TRPM3: variants seen among roughly 807,000 people sequenced by gnomAD.
The protein encoded by TRPM3 is transient receptor potential cation channel subfamily M member 3, also known as long transient receptor potential channel 3.
In TRPM3, 77 loss-of-function variants were observed where a neutral mutation model predicts 181.2. The ratio of observed to expected loss-of-function variants is 0.42; its 90% CI spans 0.35 to 0.51. TRPM3 has a LOEUF of 0.51. Among genes scored for constraint, TRPM3 ranks in the 20% least tolerant of loss-of-function variants. The probability of loss-of-function intolerance (pLI) is 0.01; values close to 1 mark genes in which losing one functional copy is unlikely to be tolerated. For synonymous variants in TRPM3, 745 were observed against 796.4 expected (o/e 0.94, Z 1.09); for missense variants, 1,759 against 2,196.7 (o/e 0.80, Z 3.98).
At chr9:70,661,138 TCAAG>T (rs1564747332) in intron 9 of TRPM3, among the ~76,000 whole-genome samples, 259 of 59,270 alleles carry the variant, frequency 4.4e-3, no homozygotes, top group African/African-American at 0.022. Flanking sequence ...CATATGCAAG[TCAAG>T]TCAATAAGTG....
At chr9:71,289,875 CAAAAAAAAAAAAAA>C (rs71352367) in intron 1 of TRPM3, among the ~76,000 whole-genome samples, 3 of 39,774 alleles carry the variant, frequency 7.5e-5, no homozygotes, top group Non-Finnish European at 1.5e-4. Context: ...GACTCTGTCT[CAAAAAAAAAAAAAA>C]AAAAAAAAAA....
chr9:71,177,116 C>T (rs563448285), intron 1 of TRPM3, among the ~76,000 whole-genome samples: 1 of 152,204 alleles, frequency 6.6e-6, no homozygotes, highest in African/African-American at 2.4e-5. Context: ...CTGCTGTGAA[C>T]TGTGCATGCG....
chr9:71,363,207 T>C (rs2092220975), intron 1 of TRPM3, among the ~76,000 whole-genome samples: 1 of 152,224 alleles, frequency 6.6e-6, no homozygotes, highest in Admixed American at 6.5e-5. Context: ...CCCAGTGAAA[T>C]GAGAAGACAT....
intron 9 of TRPM3, among the ~76,000 whole-genome samples, chr9:70,647,062 C>A (rs549452014): frequency 3.9e-5 from 6 of 152,038 alleles, no homozygotes; most frequent in South Asian, 2.1e-4. Flanking sequence ...AATCTACCAA[C>A]AAGAAAATGC....
In TRPM3 at chr9:70,686,686, T is replaced by TTTCCTTCCTTCCTTCC. The variant is rs778689995; in HGVS notation, c.1273-5124_1273-5109dup. Among the ~76,000 whole-genome samples, 218 of 58,850 alleles carry TTTCCTTCCTTCCTTCC rather than the reference T, an allele frequency of 3.7e-3. 1 individual carries two copies. The highest frequency in any genetic ancestry group is 5.0e-3 in the Admixed American group (27 of 5,348). 38.6% of individuals were successfully genotyped at this position (58,850 alleles called of 152,430 possible). ...TTCCTTCCTGGAAACTCCTTCCTTC[T>TTTCCTTCCTTCCTTCC]TTCCTTCCTTCCTTCCTTCCTTCCT... On this transcript the variant is annotated intron_variant, in intron 8 of 25. Transcript: ENST00000677713.
At position 71,156,279 on chromosome 9, in the gene TRPM3, G is replaced by A. The variant is rs936298546; in HGVS notation, c.183+290374C>T. ...TCATCAGCTGTGTAGACTTGGGCAC[G>A]TCATTAAATTCTTTAAGCCTTTGCT... On this transcript the variant is annotated intron_variant, in intron 1 of 24. Transcript: ENST00000357533. Among the ~76,000 whole-genome samples the A allele has an allele frequency of 7.9e-5, 12 of 151,192 alleles. No individual in the cohort carries two copies. The East Asian group carries it at 1.2e-3, about 15-fold the overall frequency.
chr9:71,420,809 A>AAGAGAG (rs1203968032), intron 1 of TRPM3, among the ~76,000 whole-genome samples: 1 of 5,550 alleles, frequency 1.8e-4, no homozygotes, highest in African/African-American at 5.4e-4. Context: ...GAAAGAGAGA[A>AAGAGAG]AGAAAGAGAG....
chr9:70,989,245 T>C (rs1039665792), intron 1 of TRPM3, among the ~76,000 whole-genome samples: 47 of 152,222 alleles, frequency 3.1e-4, no homozygotes, highest in Non-Finnish European at 1.0e-4. Context: ...CCTAAGCTTA[T>C]ATCTATAACA....
chr9:70,560,459 C>T (rs529240944), intron 22 of TRPM3, among the ~76,000 whole-genome samples: 23 of 152,312 alleles, frequency 1.5e-4, no homozygotes, highest in Middle Eastern at 3.4e-3. Context: ...ATGAGCTTTA[C>T]GTATATCACC....
chr9:71,420,813 A>AAAAGAAAG (rs2093737117), intron 1 of TRPM3, among the ~76,000 whole-genome samples: 1 of 10,944 alleles, frequency 9.1e-5, no homozygotes, highest in African/African-American at 6.4e-4. Flanking sequence ...GAGAGAAAGA[A>AAAAGAAAG]AGAGAGAAAG....
intron 1 of TRPM3, among the ~76,000 whole-genome samples, chr9:71,096,222 C>G (rs2067167182): frequency 6.7e-6 from 1 of 149,776 alleles, no homozygotes; most frequent in African/African-American, 2.5e-5. Context: ...TGCTATACTT[C>G]CACCCAGAAT....
At chr9:71,022,625 G>A (rs918986695) in intron 1 of TRPM3, among the ~76,000 whole-genome samples, 2 of 152,070 alleles carry the variant, frequency 1.3e-5, no homozygotes, top group African/African-American at 4.8e-5. Context: ...TTGAGCGTAG[G>A]AGTTTAAGGC....
intron 1 of TRPM3, among the ~76,000 whole-genome samples, chr9:71,372,165 T>C (rs1308236670): frequency 6.6e-6 from 1 of 152,220 alleles, no homozygotes; most frequent in Non-Finnish European, 1.5e-5. Context: ...TCTCATTCCT[T>C]TTTTATGGCT....
At chr9:70,652,500 A>G (rs2059722369) in intron 9 of TRPM3, among the ~76,000 whole-genome samples, 1 of 152,186 alleles carries the variant, frequency 6.6e-6, no homozygotes, top group Non-Finnish European at 1.5e-5. Flanking sequence ...AAGGCAGAAT[A>G]CTCAGGAACT....
chr9:70,636,820 TG>T (rs929061943), intron 11 of TRPM3, among the ~76,000 whole-genome samples: 1 of 151,900 alleles, frequency 6.6e-6, no homozygotes, highest in African/African-American at 2.4e-5. Context: ...CTGGAGTAGC[TG>T]GGATTACAGA....
intron 1 of TRPM3, 30 bp downstream of exon 1, chr9:71,121,148 A>T: frequency 6.2e-7 from 1 of 1,601,572 alleles, no homozygotes; most frequent in South Asian, 1.1e-5. Context: ...AAGCACAATT[A>T]GCGCCATTCA....
intron 1 of TRPM3, among the ~76,000 whole-genome samples, chr9:71,250,585 G>A (rs1463178866): frequency 2.6e-5 from 4 of 152,148 alleles, no homozygotes; most frequent in African/African-American, 4.8e-5. Flanking sequence ...CTTGTTCAGG[G>A]AGACATTAAT....
At chr9:71,238,913 G>C (rs2081512152) in intron 1 of TRPM3, among the ~76,000 whole-genome samples, 1 of 152,036 alleles carries the variant, frequency 6.6e-6, no homozygotes, top group African/African-American at 2.4e-5. Context: ...TGTCCTAAGA[G>C]GTATTAATAT....
In TRPM3 at chr9:71,054,415, T is replaced by A. The variant is rs75506612; in HGVS notation, c.177+66763A>T. 8.3e-3 allele frequency among the ~76,000 whole-genome samples: 1,259 copies of A among 152,224 alleles called. 13 individuals are homozygous for A. Among genetic ancestry groups the A allele is most frequent in the African/African-American group, 0.029 (1,186 of 41,546 alleles). On this transcript the variant is annotated intron_variant, in intron 1 of 25. Transcript: ENST00000677713. ...ATGAACTCATAAAGTTCATAGAATCTGTTGATGCTGCCCTTGAGATAGGTT... is the reference window on the plus strand; with the variant it reads ...ATGAACTCATAAAGTTCATAGAATCAGTTGATGCTGCCCTTGAGATAGGTT...
Sources: allele counts gnomAD v4.1 joint callset (sites outside exome capture counted in the v4.1 genomes callset), GRCh38; gene constraint gnomAD v4.1.1; transcripts MANE v1.5; gene names NCBI Gene and HGNC (gene_info 2026-07-23, HGNC 2026-07-21).